PDCD6IP: variants seen among roughly 807,000 people sequenced by gnomAD.
PDCD6IP encodes programmed cell death 6-interacting protein.
Under a neutral mutation model 103.7 loss-of-function variants are expected in PDCD6IP, and 43 were observed. The ratio of observed to expected loss-of-function variants is 0.41; its 90% CI spans 0.32 to 0.53. PDCD6IP has a LOEUF of 0.53. Ranked by LOEUF, PDCD6IP falls within the 20% of genes least tolerant of loss-of-function variation. The probability of loss-of-function intolerance (pLI) is 0.16; values close to 1 mark genes in which losing one functional copy is unlikely to be tolerated. For synonymous variants in PDCD6IP, 354 were observed against 378.7 expected (o/e 0.93, Z 0.76); for missense variants, 871 against 1,036.7 (o/e 0.84, Z 2.20).
chr3:33,862,527 A>T (rs1697976616), intron 15 of PDCD6IP, among the ~76,000 whole-genome samples: 1 of 152,224 alleles, frequency 6.6e-6, no homozygotes, highest in Non-Finnish European at 1.5e-5. Flanking sequence ...TTACTGTTAG[A>T]GGAGACAGAA....
intron 1 of PDCD6IP, among the ~76,000 whole-genome samples, chr3:33,801,668 C>T (rs1283155096): frequency 6.6e-6 from 1 of 152,186 alleles, no homozygotes; most frequent in African/African-American, 2.4e-5. Context: ...TTATATGATA[C>T]TTCTTCCTTT....
In PDCD6IP at chr3:33,865,378, C is replaced by T. The variant is rs151184954; in HGVS notation, c.2380C>T (p.Pro794Ser). The T allele has an allele frequency of 6.2e-7, 1 of 1,600,732 alleles. No individual in the cohort carries two copies. The highest frequency in any genetic ancestry group is 2.3e-5 in the East Asian group (1 of 43,298). Residue 794 changes from proline (P) to serine (S), a missense_variant, in exon 17 of 18, where the codon CCT becomes TCT. By Grantham distance (74) the Pro-to-Ser change is moderately conservative. Transcript: ENST00000307296. ...TCCATCACAAACGCCTGGCTCAGCTCCTCCTCCACAGGCGCAGGGACCACC... is the reference window on the plus strand; with the variant it reads ...TCCATCACAAACGCCTGGCTCAGCTTCTCCTCCACAGGCGCAGGGACCACC... Reference protein sequence around the residue: ...PAPSQTPGSAPPPQAQGPPYP... With the variant: ...PAPSQTPGSASPPQAQGPPYP...
intron 6 of PDCD6IP, 133 bp downstream of exon 6, chr3:33,826,713 A>G (rs775658886): frequency 8.1e-6 from 11 of 1,352,158 alleles, no homozygotes; most frequent in Non-Finnish European, 1.1e-5. Flanking sequence ...TATATAGTAG[A>G]AATAGTTTTT....
At chr3:33,850,328 A>G (rs1225761829) in intron 12 of PDCD6IP, among the ~76,000 whole-genome samples, 1 of 146,108 alleles carries the variant, frequency 6.8e-6, no homozygotes, top group African/African-American at 2.5e-5. Context: ...TGTTAGACCC[A>G]TTTGTTTCCA....
chr3:33,844,099 C>T lies in PDCD6IP; in HGVS notation c.1360-13C>T, dbSNP rs1697536211. The T allele has an allele frequency of 1.3e-6, 2 of 1,525,434 alleles. No individual in the cohort carries two copies. The highest frequency in any genetic ancestry group is 2.8e-5 in the African/African-American group (2 of 71,680). 94.5% of individuals were successfully genotyped at this position (1,525,434 alleles called of 1,614,324 possible). A position where few individuals can be genotyped will look rare whatever the true frequency, so the allele number is the denominator to read the frequency against. ...AAATGACATTTCAGGGTTCTTTTTG[C>T]TTCCTTTTAAAGTCATTAAGGTTGT... On this transcript the variant is annotated splice_polypyrimidine_tract_variant and intron_variant, in intron 10 of 17. Coordinates refer to ENST00000307296, the MANE Select transcript of PDCD6IP (RefSeq NM_013374.6).
At chr3:33,837,327 A>G (rs564006468) in intron 8 of PDCD6IP, among the ~76,000 whole-genome samples, 1 of 152,362 alleles carries the variant, frequency 6.6e-6, no homozygotes, top group South Asian at 2.1e-4. Flanking sequence ...TGAGATTCCA[A>G]GGAGAATATT....
chr3:33,804,742 C>A (rs1696554267), intron 1 of PDCD6IP, among the ~76,000 whole-genome samples: 1 of 152,230 alleles, frequency 6.6e-6, no homozygotes, highest in Non-Finnish European at 1.5e-5. Flanking sequence ...GGACTAAGAT[C>A]CTGACCTCTT....
intron 7 of PDCD6IP, 96 bp downstream of exon 7, chr3:33,829,065 G>T: frequency 3.3e-6 from 3 of 896,050 alleles, no homozygotes; most frequent in African/African-American, 1.7e-5. Flanking sequence ...AACCTTTCCC[G>T]TTCATCACCC....
At chr3:33,812,254 G>T in intron 2 of PDCD6IP, 128 bp downstream of exon 2, 1 of 1,313,164 alleles carries the variant, frequency 7.6e-7, no homozygotes, top group African/African-American at 1.5e-5. Flanking sequence ...TCTGTCTAAT[G>T]CGAATATATG....
At chr3:33,821,490 T>C (rs1696991353) in intron 3 of PDCD6IP, among the ~76,000 whole-genome samples, 1 of 151,942 alleles carries the variant, frequency 6.6e-6, no homozygotes, top group Non-Finnish European at 1.5e-5. Context: ...CTTTGAGAAA[T>C]GTATTTGCAT....
intron 10 of PDCD6IP, among the ~76,000 whole-genome samples, chr3:33,842,371 G>T (rs1697495291): frequency 6.6e-6 from 1 of 151,988 alleles, no homozygotes; most frequent in Non-Finnish European, 1.5e-5. Context: ...TTCAGTCTTT[G>T]TAATTATTGA....
chr3:33,820,874 C>G (rs1355048165), intron 3 of PDCD6IP, among the ~76,000 whole-genome samples: 3 of 152,176 alleles, frequency 2.0e-5, no homozygotes, highest in African/African-American at 7.2e-5. Flanking sequence ...ATACGTATAT[C>G]TCTTTGAGAC....
intron 15 of PDCD6IP, among the ~76,000 whole-genome samples, chr3:33,858,693 C>T (rs1352254912): frequency 1.3e-5 from 2 of 151,922 alleles, no homozygotes; most frequent in Non-Finnish European, 2.9e-5. Context: ...GCCTGTAATC[C>T]CAGCTACTCG....
At chr3:33,842,802 C>T (rs1246513572) in intron 10 of PDCD6IP, among the ~76,000 whole-genome samples, 1 of 152,030 alleles carries the variant, frequency 6.6e-6, no homozygotes, top group Non-Finnish European at 1.5e-5. Flanking sequence ...CAGATTTTAC[C>T]AGTTATTCCA....
At chr3:33,843,809 ATTTAT>A (rs1697527957) in intron 10 of PDCD6IP, among the ~76,000 whole-genome samples, 1 of 149,748 alleles carries the variant, frequency 6.7e-6, no homozygotes, top group Non-Finnish European at 1.5e-5. Context: ...GCTTCTATTT[ATTTAT>A]TTTAATCTTA....
chr3:33,834,593 C>T (rs1241356781), intron 7 of PDCD6IP, among the ~76,000 whole-genome samples: 12 of 151,972 alleles, frequency 7.9e-5, no homozygotes, highest in East Asian at 1.9e-4. Context: ...TTCTATTTTA[C>T]GAAGATTTTA....
chr3:33,868,652 G>T lies in PDCD6IP; in HGVS notation c.*2127G>T, dbSNP rs1427902491. ...AATGCAGCCCTTTATTACTGTTAAG[G>T]ATCATACTGTTGGTTTGGAGTTGGA... is the stretch of plus-strand genomic sequence containing the variant. On this transcript the variant is annotated 3_prime_UTR_variant, in exon 18 of 18. Coordinates refer to ENST00000307296, the MANE Select transcript of PDCD6IP (RefSeq NM_013374.6). 6.6e-6 allele frequency: 1 copy of T among 152,142 alleles called. No homozygotes were observed. Among genetic ancestry groups the T allele is most frequent in the Non-Finnish European group, 1.5e-5 (1 of 68,032 alleles). 9.4% of individuals were successfully genotyped at this position (152,142 alleles called of 1,614,324 possible). A position where few individuals can be genotyped will look rare whatever the true frequency, so the allele number is the denominator to read the frequency against.
chr3:33,865,587 C>T (rs1698046490), intron 17 of PDCD6IP, among the ~76,000 whole-genome samples, 157 bp downstream of exon 17: 1 of 152,168 alleles, frequency 6.6e-6, no homozygotes, highest in South Asian at 2.1e-4. Context: ...ATGTTATGGT[C>T]ACTTACATGA....
At chr3:33,860,345 G>C (rs1342912001) in intron 15 of PDCD6IP, among the ~76,000 whole-genome samples, 1 of 152,240 alleles carries the variant, frequency 6.6e-6, no homozygotes, top group Middle Eastern at 3.4e-3. Flanking sequence ...AGTTTATTTT[G>C]TTAAAGTCGT....
Sources: gnomAD v4.1 joint callset for allele counts (sites outside exome capture counted in the v4.1 genomes callset) on GRCh38, gnomAD v4.1.1 for gene constraint, MANE v1.5 for transcripts, NCBI Gene and HGNC (gene_info 2026-07-23, HGNC 2026-07-21) for gene names.